Variants in CCDC102B observed in about 807,000 individuals in gnomAD.
CCDC102B encodes the protein coiled-coil domain containing 102B.
CCDC102B carries 75 observed loss-of-function variants against 57.4 expected under a neutral mutation model. The ratio of observed to expected loss-of-function variants is 1.31; its 90% CI spans 1.08 to 1.58. The LOEUF (loss-of-function observed/expected upper bound fraction) is 1.58. CCDC102B is among the 40% of genes most tolerant of loss of function. The pLI, the probability that CCDC102B is intolerant of heterozygous loss-of-function variation, is 0.00. For missense variants in CCDC102B, 636 were observed against 582.6 expected, an observed-to-expected ratio of 1.09 and a Z score of -0.94; for synonymous variants, 206 against 201.9, an observed-to-expected ratio of 1.02 and a Z score of -0.17.
intron 6 of CCDC102B, among the ~76,000 whole-genome samples, chr18:68,904,474 G>A (rs547108594): frequency 1.2e-3 from 182 of 152,286 alleles, no homozygotes; most frequent in Non-Finnish European, 1.8e-3. Context: ...GTATAGGTGG[G>A]ATTATTGGGT....
At chr18:68,862,102 ATATTT>A (rs1318847355) in intron 4 of CCDC102B, among the ~76,000 whole-genome samples, 1 of 152,182 alleles carries the variant, frequency 6.6e-6, no homozygotes, top group African/African-American at 2.4e-5. Flanking sequence ...TCCTTATTAG[ATATTT>A]TATTTTATCT....
At chr18:68,728,911 A>G (rs2032727667) in intron 2 of CCDC102B, among the ~76,000 whole-genome samples, 1 of 152,056 alleles carries the variant, frequency 6.6e-6, no homozygotes, top group Admixed American at 6.5e-5. Flanking sequence ...ATTGTTATTA[A>G]TCATGGATAA....
chr18:68,914,296 C>T (rs1010487641), intron 6 of CCDC102B, among the ~76,000 whole-genome samples: 3 of 152,066 alleles, frequency 2.0e-5, no homozygotes, highest in Admixed American at 1.3e-4. Flanking sequence ...GGTGAATTGG[C>T]GTGTGTAAAT....
chr18:69,027,844 T>C (rs1489063291), intron 7 of CCDC102B, among the ~76,000 whole-genome samples: 1 of 152,200 alleles, frequency 6.6e-6, no homozygotes, highest in Non-Finnish European at 1.5e-5. Context: ...ATTGTAGTCA[T>C]ACCTCCTCCA....
chr18:68,866,626 A>C, intron 4 of CCDC102B: 3 of 323,728 alleles, frequency 9.3e-6, no homozygotes, highest in South Asian at 6.4e-5. Context: ...GTCAAAAAAG[A>C]GATGGAGTGG....
chr18:68,914,958 T>G (rs2145087997), intron 6 of CCDC102B, among the ~76,000 whole-genome samples: 1 of 143,206 alleles, frequency 7.0e-6, no homozygotes, highest in African/African-American at 2.6e-5. Flanking sequence ...TATTTTTGAT[T>G]TAGGCACTAC....
chr18:68,903,653 A>G (rs1486568748), intron 6 of CCDC102B, among the ~76,000 whole-genome samples: 2 of 152,192 alleles, frequency 1.3e-5, no homozygotes, highest in African/African-American at 4.8e-5. Flanking sequence ...ATTTCAAACA[A>G]TACTTTTGAA....
intron 5 of CCDC102B, among the ~76,000 whole-genome samples, chr18:68,891,514 T>C (rs980632994): frequency 1.3e-5 from 2 of 152,248 alleles, no homozygotes; most frequent in Non-Finnish European, 2.9e-5. Context: ...AGATGTTGCA[T>C]TCCTTTTTCT....
At chr18:68,786,232 C>A (rs1440497543) in intron 2 of CCDC102B, among the ~76,000 whole-genome samples, 3 of 152,000 alleles carry the variant, frequency 2.0e-5, no homozygotes, top group Non-Finnish European at 4.4e-5. Flanking sequence ...GTTACTGTAG[C>A]CTTGTAGTAT....
chr18:68,904,105 A>C (rs1009910011), intron 6 of CCDC102B, among the ~76,000 whole-genome samples: 1 of 64,768 alleles, frequency 1.5e-5, no homozygotes, highest in Non-Finnish European at 3.2e-5. Context: ...ACACAATTAC[A>C]GTTTTTACTG....
chr18:69,035,693 G>A (rs1046150454), intron 7 of CCDC102B, among the ~76,000 whole-genome samples: 14 of 151,984 alleles, frequency 9.2e-5, no homozygotes, highest in African/African-American at 3.4e-4. Flanking sequence ...TCCAGATGGA[G>A]AGTTCATTGT....
At chr18:68,881,044 G>A (rs1260855424) in intron 5 of CCDC102B, among the ~76,000 whole-genome samples, 3 of 152,124 alleles carry the variant, frequency 2.0e-5, no homozygotes, top group Non-Finnish European at 4.4e-5. Context: ...AAATCACCAA[G>A]ACAATAATTG....
At chr18:68,806,800 T>C (rs2036049451) in intron 1 of CCDC102B, among the ~76,000 whole-genome samples, 1 of 152,174 alleles carries the variant, frequency 6.6e-6, no homozygotes, top group Non-Finnish European at 1.5e-5. Context: ...CACTTCAAAA[T>C]GTAATTAGTA....
chr18:68,950,617 T>A (rs1177161750), intron 6 of CCDC102B, among the ~76,000 whole-genome samples: 1 of 152,116 alleles, frequency 6.6e-6, no homozygotes, highest in Non-Finnish European at 1.5e-5. Flanking sequence ...CGATTCTCAA[T>A]CTGTTTCCCC....
At chr18:68,965,955 C>T (rs905310786) in intron 6 of CCDC102B, among the ~76,000 whole-genome samples, 1 of 152,128 alleles carries the variant, frequency 6.6e-6, no homozygotes, top group Non-Finnish European at 1.5e-5. Context: ...AGTTGAGACA[C>T]TCCTGTTACT....
At chr18:68,976,464 T>C (rs2050440618) in intron 6 of CCDC102B, among the ~76,000 whole-genome samples, 1 of 151,974 alleles carries the variant, frequency 6.6e-6, no homozygotes, top group Non-Finnish European at 1.5e-5. Context: ...GTATATGGAG[T>C]AACGCATTTA....
At position 68,863,202 on chromosome 18, in the gene CCDC102B, A is replaced by G. The variant is rs915152428; in HGVS notation, c.937-11467A>G. Reference sequence around the variant, plus strand: ...TTTATATATATATATATTTATATCTATTTCTCCTTTTTCTCTTTTAATAAT... The same window carrying G: ...TTTATATATATATATATTTATATCTGTTTCTCCTTTTTCTCTTTTAATAAT... On this transcript the variant is annotated intron_variant, in intron 4 of 7. Transcript: ENST00000360242. Among the ~76,000 whole-genome samples the G allele has an allele frequency of 7.9e-5, 12 of 151,172 alleles. No homozygotes were observed. The South Asian group carries it at 1.9e-3, about 24-fold the overall frequency.
chr18:68,995,428 C>T (rs996551528), intron 6 of CCDC102B, among the ~76,000 whole-genome samples: 1 of 152,104 alleles, frequency 6.6e-6, no homozygotes, highest in African/African-American at 2.4e-5. Context: ...AAAACGGTTT[C>T]CTGGGCCAAG....
At chr18:68,845,053 TCTAA>T (rs1162905257) in intron 3 of CCDC102B, among the ~76,000 whole-genome samples, 2 of 151,916 alleles carry the variant, frequency 1.3e-5, no homozygotes, top group African/African-American at 2.4e-5. Context: ...TAAGCTAAGC[TCTAA>T]CTAATTCTTT....
Sources: allele counts gnomAD v4.1 joint callset (sites outside exome capture counted in the v4.1 genomes callset), GRCh38; gene constraint gnomAD v4.1.1; transcripts MANE v1.5; gene names NCBI Gene and HGNC (gene_info 2026-07-23, HGNC 2026-07-21).